Variants in ZBTB24 observed in about 807,000 individuals in gnomAD.
ZBTB24 encodes zinc finger and BTB domain containing 24.
In ZBTB24, 32 loss-of-function variants were observed where a neutral mutation model predicts 53.8. The ratio of observed to expected loss-of-function variants is 0.60; its 90% confidence interval spans 0.45 to 0.80. ZBTB24 has a LOEUF of 0.80. Ranked by LOEUF, ZBTB24 falls within the 30% of genes least tolerant of loss-of-function variation. ZBTB24 has a pLI of 0.00. For synonymous variants in ZBTB24, 297 were observed against 306.7 expected (o/e 0.97, Z 0.33); for missense variants, 722 against 837.1 (o/e 0.86, Z 1.70).
At chr6:109,467,870 C>A in intron 5 of ZBTB24, 136 bp from the exon 6 acceptor site, 1 of 1,005,614 alleles carries the variant, frequency 9.9e-7, no homozygotes, top group South Asian at 1.5e-5. Context: ...CCTCCGTAAG[C>A]GTAAACGAAT....
chr6:109,470,073 T>C (rs1043171107), intron 5 of ZBTB24, among the ~76,000 whole-genome samples: 2 of 152,134 alleles, frequency 1.3e-5, no homozygotes, highest in African/African-American at 4.8e-5. Flanking sequence ...TAACAGGCTA[T>C]GCACAAGGCC....
Position 109,463,766 on chromosome 6 carries a change from ATATTTT to A in ZBTB24, c.*2079_*2084del, listed in dbSNP as rs1329627825. On this transcript the variant is annotated 3_prime_UTR_variant, in exon 7 of 7. Coordinates refer to ENST00000230122, the MANE Select transcript of ZBTB24 (RefSeq NM_014797.3). ...AGAGAATGTAAAATGTCTCACTAAT[ATATTTT>A]TATATGTTGAAATATTTGGCAAATG... 6.6e-6 allele frequency: 1 copy of A among 152,232 alleles called. No homozygotes were observed. Among genetic ancestry groups the A allele is most frequent in the Non-Finnish European group, 1.5e-5 (1 of 68,038 alleles). 9.4% of individuals were successfully genotyped at this position (152,232 alleles called of 1,614,324 possible). A position where few individuals can be genotyped will look rare whatever the true frequency, so the allele number is the denominator to read the frequency against.
Position 109,466,367 on chromosome 6 carries a change from G to T in ZBTB24, c.1578C>A (p.Gly526=), listed in dbSNP as rs1455050175. 6.2e-7 allele frequency: 1 copy of T among 1,614,080 alleles called. No homozygotes were observed. The highest frequency in any genetic ancestry group is 8.5e-7 in the Non-Finnish European group (1 of 1,180,046). The change falls in exon 7 of 7, where the codon GGC becomes GGA. Residue 526 remains glycine (G), a synonymous_variant. Transcript: ENST00000230122. ...KHASDASSIS[G]SSNTEEVRNI... is the part of the protein sequence containing the mutation. ...TCCTGACCTCTTCTGTATTACTACT[G>T]CCAGAAATGCTGCTGGCATCTGAAG... is the stretch of plus-strand genomic sequence containing the variant.
At chr6:109,480,529 T>A (rs969525413) in intron 2 of ZBTB24, among the ~76,000 whole-genome samples, 2 of 152,196 alleles carry the variant, frequency 1.3e-5, no homozygotes, top group African/African-American at 4.8e-5. Flanking sequence ...AAGGGTCCCA[T>A]TGGTCAGCGC....
rs1776399342 is a variant in ZBTB24, at chr6:109,481,130, A to G, written c.897T>C (p.Cys299=). The G allele has an allele frequency of 6.2e-7, 1 of 1,614,232 alleles. No homozygotes were observed. The highest frequency in any genetic ancestry group is 8.5e-7 in the Non-Finnish European group (1 of 1,180,040). The change falls in exon 2 of 7, where the codon TGT becomes TGC. Residue 299 remains cysteine (C), a synonymous_variant. Coordinates refer to ENST00000230122, the MANE Select transcript of ZBTB24 (RefSeq NM_014797.3). ...PGGPEARCKD[C]GKVFKYNHFL... Reference sequence around the variant, plus strand: ...AGTGATTGTACTTAAAGACCTTGCCACAGTCTTTACAGCGGGCCTCAGGGC... The same window carrying G: ...AGTGATTGTACTTAAAGACCTTGCCGCAGTCTTTACAGCGGGCCTCAGGGC...
In ZBTB24 at chr6:109,466,279, C is replaced by T. The variant is rs778110573; in HGVS notation, c.1666G>A (p.Val556Ile). 7.4e-5 allele frequency: 119 copies of T among 1,614,066 alleles called. No individual in the cohort carries two copies. The highest frequency in any genetic ancestry group is 3.7e-4 in the South Asian group (34 of 91,090). The change falls in exon 7 of 7, where the codon GTA becomes ATA. Residue 556 changes from valine to isoleucine, a missense_variant. Val to Ile is a conservative substitution (Grantham distance 29). Transcript: ENST00000230122. ...TSGEQEIQLL[V>I]TDSVHNINFM... ...TTGATGTTATGTACAGAATCGGTTA[C>T]GAGAAGCTGAATTTCCTGCTCTCCC...
At chr6:109,477,089 G>C (rs1776294917) in intron 2 of ZBTB24, among the ~76,000 whole-genome samples, 159 bp from the exon 3 acceptor site, 2 of 152,178 alleles carry the variant, frequency 1.3e-5, no homozygotes, top group African/African-American at 4.8e-5. Context: ...TTTGGAAGCT[G>C]AACAGATGAA....
rs1246818668 is a variant in ZBTB24 at position 109,466,454 on chromosome 6, T to A, written c.1491A>T (p.Leu497Phe). Residue 497 changes from leucine to phenylalanine, a missense_variant, in exon 7 of 7, where the codon TTA becomes TTT. Physicochemically the swap from Leu to Phe is conservative, Grantham distance 22. Coordinates refer to ENST00000230122, the MANE Select transcript of ZBTB24 (RefSeq NM_014797.3). ...KKPFSCPECN[L>F]QFARLDNLKA... The stretch of plus-strand genomic sequence containing the variant: ...TCAAGTTGTCTAAGCGAGCAAACTG[T>A]AAGTTACACTCAGGGCAGGAGAAAG... The A allele has an allele frequency of 1.2e-6, 2 of 1,614,194 alleles. No homozygotes were observed.
At position 109,467,739 on chromosome 6, in the gene ZBTB24, A is replaced by AAAAAAC. The variant is rs765964812; in HGVS notation, c.1289-11_1289-6dup. The AAAAAAC allele has an allele frequency of 5.0e-6, 8 of 1,613,460 alleles. No individual in the cohort carries two copies. Among genetic ancestry groups the AAAAAAC allele is most frequent in the Non-Finnish European group, 6.8e-6 (8 of 1,179,888 alleles). ...CACAAGTAAATGGCTTCTCACCTAA[A>AAAAAAC]AAAAACAAAAACAAAAACAAAAAAC... On this transcript the variant is annotated splice_polypyrimidine_tract_variant and splice_region_variant and intron_variant, in intron 5 of 6. Coordinates refer to ENST00000230122, the MANE Select transcript of ZBTB24 (RefSeq NM_014797.3).
intron 5 of ZBTB24, among the ~76,000 whole-genome samples, chr6:109,470,184 G>C (rs761301778): frequency 2.6e-5 from 4 of 152,198 alleles, no homozygotes; most frequent in Non-Finnish European, 4.4e-5. Context: ...AAGAGGATTA[G>C]ACAATAGCGA....
Position 109,464,404 on chromosome 6 carries a change from C to T in ZBTB24, c.*1447G>A, listed in dbSNP as rs1170892413. 6.6e-6 allele frequency: 1 copy of T among 152,108 alleles called. No homozygotes were observed. Among genetic ancestry groups the T allele is most frequent in the Admixed American group, 6.5e-5 (1 of 15,272 alleles). 9.4% of individuals were successfully genotyped at this position (152,108 alleles called of 1,614,324 possible). On this transcript the variant is annotated 3_prime_UTR_variant, in exon 7 of 7. Coordinates refer to ENST00000230122, the MANE Select transcript of ZBTB24 (RefSeq NM_014797.3). ...AAACAAAACAATTGATGGAAAGGCT[C>T]TATTAATTTTAGAGTAGATTACCCC... is the stretch of plus-strand genomic sequence containing the variant.
In ZBTB24 at chr6:109,464,436, C is replaced by T. The variant is rs149923181; in HGVS notation, c.*1415G>A. 487 of 152,198 alleles carry T rather than the reference C, an allele frequency of 3.2e-3. No homozygotes were observed. Among genetic ancestry groups the T allele is most frequent in the African/African-American group, 0.011 (469 of 41,536 alleles). 9.4% of individuals were successfully genotyped at this position (152,198 alleles called of 1,614,324 possible). On this transcript the variant is annotated 3_prime_UTR_variant, in exon 7 of 7. Coordinates refer to ENST00000230122, the MANE Select transcript of ZBTB24 (RefSeq NM_014797.3). ...TTTTAGAGTAGATTACCCCCTACTC[C>T]CCATCAGCATTGTTAATTTAGATAT... is the stretch of plus-strand genomic sequence containing the variant.
chr6:109,480,105 G>A (rs146668486), intron 2 of ZBTB24, among the ~76,000 whole-genome samples: 176 of 152,226 alleles, frequency 1.2e-3, no homozygotes, highest in Middle Eastern at 6.8e-3. Flanking sequence ...CTGGGGTGGA[G>A]GTCTAGGCAC....
Position 109,465,674 on chromosome 6 carries a change from A to T in ZBTB24, c.*177T>A. The T allele has an allele frequency of 6.3e-7, 1 of 1,587,690 alleles. No homozygotes were observed. Among genetic ancestry groups the T allele is most frequent in the Non-Finnish European group, 8.5e-7 (1 of 1,172,640 alleles). On this transcript the variant is annotated 3_prime_UTR_variant, in exon 7 of 7. Coordinates refer to ENST00000230122, the MANE Select transcript of ZBTB24 (RefSeq NM_014797.3). ...AATACAAATCAGTACCTTAGACAAG[A>T]CATACACACATCTTGCTACCTGGAT... is the stretch of plus-strand genomic sequence containing the variant.
Position 109,466,081 on chromosome 6 carries a change from TA to T in ZBTB24, c.1863del (p.Asn621LysfsTer2). 1.9e-6 allele frequency: 3 copies of T among 1,614,218 alleles called. No homozygotes were observed. The highest frequency in any genetic ancestry group is 2.5e-6 in the Non-Finnish European group (3 of 1,180,038). On this transcript the variant is annotated frameshift_variant, in exon 7 of 7. Coordinates refer to ENST00000230122, the MANE Select transcript of ZBTB24 (RefSeq NM_014797.3). LOFTEE classifies it high-confidence loss of function. ...GAGGGCCCCATCTGGCTTTCAATCA[TA>T]TTGAGGCTCTGAATGTGTTCTGTTT... ...QEQTEHIQSL[N>X]MIESQMGPSQ...
intron 5 of ZBTB24, among the ~76,000 whole-genome samples, chr6:109,469,560 C>T (rs1222049212): frequency 6.6e-6 from 1 of 152,200 alleles, no homozygotes; most frequent in African/African-American, 2.4e-5. Context: ...ATCTGTTCCC[C>T]TGTGCACAGC....
chr6:109,468,186 A>AGTACCTCCACTGCCAC (rs564564681), intron 5 of ZBTB24, among the ~76,000 whole-genome samples: 42 of 152,160 alleles, frequency 2.8e-4, no homozygotes, highest in African/African-American at 1.0e-3. Context: ...ACCACTGCTC[A>AGTACCTCCACTGCCAC]GTACCTCCAC....
intron 2 of ZBTB24, among the ~76,000 whole-genome samples, chr6:109,478,022 T>G (rs897871762): frequency 6.6e-6 from 1 of 152,204 alleles, no homozygotes; most frequent in Admixed American, 6.5e-5. Context: ...AAGGCTGGAA[T>G]GTAACAAAAG....
In ZBTB24 at chr6:109,466,079, C is replaced by T. The variant is rs954596203; in HGVS notation, c.1866G>A (p.Met622Ile). The part of the protein sequence containing the change: ...EQTEHIQSLN[M>I]IESQMGPSQT... ...GTGAGGGCCCCATCTGGCTTTCAAT[C>T]ATATTGAGGCTCTGAATGTGTTCTG... Residue 622 changes from methionine to isoleucine, a missense_variant, in exon 7 of 7, where the codon ATG becomes ATA. Transcript: ENST00000230122. 8 of 1,614,086 alleles carry T rather than the reference C, an allele frequency of 5.0e-6. No individual in the cohort carries two copies. Among genetic ancestry groups the T allele is most frequent in the East Asian group, 2.2e-5 (1 of 44,886 alleles).
Sources: gnomAD v4.1 joint callset for allele counts (sites outside exome capture counted in the v4.1 genomes callset) on GRCh38, gnomAD v4.1.1 for gene constraint, MANE v1.5 for transcripts, NCBI Gene and HGNC (gene_info 2026-07-23, HGNC 2026-07-21) for gene names.